Variants in ANKRD30B observed in about 807,000 individuals in gnomAD.
ANKRD30B encodes the protein ankyrin repeat domain 30B.
In ANKRD30B, 144 loss-of-function variants were observed where a neutral mutation model predicts 202.2. The ratio of observed to expected loss-of-function variants is 0.71; its 90% CI spans 0.62 to 0.82. The LOEUF is 0.82. Among genes scored for constraint, ANKRD30B ranks in the 40% least tolerant of loss-of-function variants. The pLI is 0.00. For missense variants in ANKRD30B, 1,487 were observed against 1,669.1 expected (o/e 0.89, Z 1.90); for synonymous variants, 508 against 561.3 (o/e 0.91, Z 1.34).
chr18:14,852,468 T>C (rs1360848634), intron 42 of ANKRD30B, 48 bp downstream of exon 42: 6 of 1,493,786 alleles, frequency 4.0e-6, no homozygotes, highest in Non-Finnish European at 4.4e-6. Flanking sequence ...TGAAAGAAAG[T>C]GGCCTTGGCT....
At chr18:14,788,034 C>T (rs192909406) in intron 15 of ANKRD30B, among the ~76,000 whole-genome samples, 50 of 152,120 alleles carry the variant, frequency 3.3e-4, no homozygotes, top group Non-Finnish European at 5.6e-4. Context: ...CCCTGTTTAC[C>T]GAAATAAAGC....
chr18:14,890,196 A>G, the ANKRD30B span: 3 of 584,220 alleles, frequency 5.1e-6, no homozygotes, highest in Non-Finnish European at 9.1e-6. Context: ...AGTTTTTAAA[A>G]TTTTTAATGT....
the ANKRD30B span, among the ~76,000 whole-genome samples, chr18:14,865,519 CT>C: frequency 4.3e-4 from 65 of 151,948 alleles, 1 homozygote; most frequent in East Asian, 0.011. Flanking sequence ...CTCTTACCCC[CT>C]TCCATCTACC....
chr18:14,771,246 C>A (rs1966985604), intron 8 of ANKRD30B, among the ~76,000 whole-genome samples: 1 of 152,112 alleles, frequency 6.6e-6, no homozygotes, highest in Admixed American at 6.6e-5. Context: ...TGCCATGAAG[C>A]CCTGCAGAAG....
chr18:14,804,778 A>G (rs1227654902), intron 24 of ANKRD30B, among the ~76,000 whole-genome samples: 1 of 150,916 alleles, frequency 6.6e-6, no homozygotes, highest in Non-Finnish European at 1.5e-5. Flanking sequence ...AAAAGGAAAG[A>G]GTGTGTGTTG....
At chr18:14,805,456 C>T (rs1969452562) in intron 24 of ANKRD30B, among the ~76,000 whole-genome samples, 1 of 150,508 alleles carries the variant, frequency 6.6e-6, no homozygotes, top group Non-Finnish European at 1.5e-5. Context: ...GATGGCAAAG[C>T]TAGAAATTAC....
chr18:14,852,464 A>G, intron 42 of ANKRD30B, 44 bp downstream of exon 42: 1 of 1,496,876 alleles, frequency 6.7e-7, no homozygotes, highest in East Asian at 2.5e-5. Flanking sequence ...TTCCTGAAAG[A>G]AAGTGGCCTT....
chr18:14,866,369 A>T, the ANKRD30B span, among the ~76,000 whole-genome samples: 1 of 152,042 alleles, frequency 6.6e-6, no homozygotes, highest in Admixed American at 6.6e-5. Flanking sequence ...CCTGAGTGGT[A>T]GGAGGGGGGC....
rs1970739839 is a variant in ANKRD30B at position 14,828,131 on chromosome 18, C to T, written c.2744-147C>T. 9.3e-6 allele frequency: 6 copies of T among 643,922 alleles called. No homozygotes were observed. In the Admixed American group the frequency reaches 1.6e-4, roughly 17 times the overall value. The allele number at this position is 643,922 out of a possible 1,614,324, so 39.9% of individuals were successfully genotyped here. On this transcript the variant is annotated intron_variant, in intron 32 of 43. Coordinates refer to ENST00000690538, the MANE Select transcript of ANKRD30B (RefSeq NM_001367607.2). ...TGTCTCCCAGGCTGCTTTCAGACTC[C>T]TGGACCTCTCAGATGATCCTCCTGC...
intron 1 of ANKRD30B, among the ~76,000 whole-genome samples, chr18:14,751,436 GAGA>G (rs1913433408): frequency 6.6e-6 from 1 of 151,958 alleles, no homozygotes; most frequent in African/African-American, 2.4e-5. Context: ...AGCAAAGTGA[GAGA>G]TTTAAAATTG....
chr18:14,791,439 A>T lies in ANKRD30B; in HGVS notation c.1773A>T (p.Leu591Phe). Residue 591 changes from leucine (L) to phenylalanine (F), a missense_variant, in exon 16 of 44, where the codon TTA (leucine) becomes TTT (phenylalanine). Physicochemically the swap from Leu to Phe is conservative, Grantham distance 22. Coordinates refer to ENST00000690538, the MANE Select transcript of ANKRD30B (RefSeq NM_001367607.2). ...CETVSQKDVYLPKATHQKEFD... is the reference protein window; with the variant it reads ...CETVSQKDVYFPKATHQKEFD... ...CGGTTTCACAGAAGGATGTGTATTTACCCAAAGCTACACATCAAAAAGAAT... is the reference window on the plus strand; with the variant it reads ...CGGTTTCACAGAAGGATGTGTATTTTCCCAAAGCTACACATCAAAAAGAAT... The T allele has an allele frequency of 6.2e-7, 1 of 1,611,472 alleles. No homozygotes were observed. The highest frequency in any genetic ancestry group is 8.5e-7 in the Non-Finnish European group (1 of 1,179,004).
chr18:14,933,133 T>A, the ANKRD30B span, among the ~76,000 whole-genome samples: 2 of 152,178 alleles, frequency 1.3e-5, no homozygotes, highest in African/African-American at 2.4e-5. Context: ...CTGCTAAGCG[T>A]GACAATCCTA....
At chr18:14,834,126 C>T (rs997598077) in intron 34 of ANKRD30B, among the ~76,000 whole-genome samples, 1 of 152,110 alleles carries the variant, frequency 6.6e-6, no homozygotes, top group African/African-American at 2.4e-5. Flanking sequence ...CATTTCAATG[C>T]AAACCCAGTT....
the ANKRD30B span, among the ~76,000 whole-genome samples, chr18:14,904,158 T>G: frequency 6.6e-6 from 1 of 152,210 alleles, no homozygotes; most frequent in South Asian, 2.1e-4. Context: ...TTATCGGTGA[T>G]CAGTTCTCTT....
In ANKRD30B at chr18:14,778,050, C is replaced by G. The variant is rs1453260259; in HGVS notation, c.1395C>G (p.Ile465Met). Reference protein sequence around the residue: ...CLPDATYQKDIKTINHKIEDQ... With the variant: ...CLPDATYQKDMKTINHKIEDQ... ...CTGATGCTACATATCAAAAAGATAT[C>G]AAAACAATAAATCACAAAATAGAAG... The change falls in exon 10 of 44, where the codon ATC (isoleucine) becomes ATG (methionine). Residue 465 changes from isoleucine (I) to methionine (M), a missense_variant. By Grantham distance (10) the Ile-to-Met change is conservative. This residue lies in a region of ANKRD30B where 889 missense variants were observed against 841.4 expected (regional missense o/e 1.06). Transcript: ENST00000690538. 6.5e-7 allele frequency: 1 copy of G among 1,547,140 alleles called. No homozygotes were observed. Among genetic ancestry groups the G allele is most frequent in the Non-Finnish European group, 8.7e-7 (1 of 1,143,576 alleles).
Position 14,756,896 on chromosome 18 carries a change from G to GA in ANKRD30B, c.618-910dup, listed in dbSNP as rs1177012096. 6.0e-5 allele frequency among the ~76,000 whole-genome samples: 9 copies of GA among 149,288 alleles called. 1 individual carries two copies. In the South Asian group the frequency reaches 1.3e-3, roughly 21 times the overall value. On this transcript the variant is annotated intron_variant, in intron 4 of 43. Coordinates refer to ENST00000690538, the MANE Select transcript of ANKRD30B (RefSeq NM_001367607.2). Reference sequence around the variant, plus strand: ...AATAGAGCGAGATTCTGTCTCAAAGGAAAAAAAAAGCAATATTAAATAGAA... The same window carrying GA: ...AATAGAGCGAGATTCTGTCTCAAAGGAAAAAAAAAAGCAATATTAAATAGAA...
chr18:14,934,242 G>A, the ANKRD30B span, among the ~76,000 whole-genome samples: 1 of 152,248 alleles, frequency 6.6e-6, no homozygotes, highest in Non-Finnish European at 1.5e-5. Flanking sequence ...GCCATGGGCT[G>A]CAGGCAGGGG....
At chr18:14,908,541 C>A in the ANKRD30B span, among the ~76,000 whole-genome samples, 1 of 152,206 alleles carries the variant, frequency 6.6e-6, no homozygotes, top group African/African-American at 2.4e-5. Context: ...CCTCACTGTG[C>A]CTGCCAGCCC....
At chr18:14,806,169 C>G (rs1380259627) in intron 24 of ANKRD30B, among the ~76,000 whole-genome samples, 69 of 147,854 alleles carry the variant, frequency 4.7e-4, no homozygotes, top group African/African-American at 1.6e-3. Context: ...ACAGTCAGCC[C>G]AGATCTCAAC....
Sources: gnomAD v4.1 joint callset for allele counts (sites outside exome capture counted in the v4.1 genomes callset) on GRCh38, gnomAD v4.1.1 for gene constraint, gnomAD v4.1.1 regional missense constraint, MANE v1.5 for transcripts, NCBI Gene and HGNC (gene_info 2026-07-23, HGNC 2026-07-21) for gene names.